Variants in COX4I1 observed in about 807,000 individuals in gnomAD.
COX4I1 encodes cytochrome c oxidase subunit 4 isoform 1, mitochondrial.
COX4I1 carries 18 observed loss-of-function variants against 21.7 expected under a neutral mutation model. The observed-to-expected ratio is 0.83, with a 90% CI of 0.57 to 1.23. The LOEUF (loss-of-function observed/expected upper bound fraction) is 1.23, where lower values mean the gene tolerates loss of function less well. COX4I1 is among the 50% of genes most tolerant of loss of function. The pLI is 0.00. For missense variants in COX4I1, 238 were observed against 220.7 expected, an observed-to-expected ratio of 1.08 and a Z score of -0.50; for synonymous variants, 100 against 81.5, an observed-to-expected ratio of 1.23 and a Z score of -1.23.
chr16:85,805,285 C>T, intron 3 of COX4I1, 181 bp downstream of exon 3: 1 of 604,444 alleles, frequency 1.7e-6, no homozygotes, highest in Admixed American at 3.4e-5. Context: ...TCACTTAGCT[C>T]TGCCAGCTGA....
At chr16:85,801,556 ATCT>A (rs1222847643) in intron 2 of COX4I1, among the ~76,000 whole-genome samples, 2 of 152,072 alleles carry the variant, frequency 1.3e-5, no homozygotes, top group African/African-American at 2.4e-5. Flanking sequence ...CTTTCAAAAG[ATCT>A]TCTGCACCAT....
chr16:85,802,465 G>A (rs1905840621), intron 2 of COX4I1, among the ~76,000 whole-genome samples: 1 of 152,334 alleles, frequency 6.6e-6, no homozygotes, highest in East Asian at 1.9e-4. Flanking sequence ...GGCAGATGAA[G>A]ACGAACTGCA....
intron 2 of COX4I1, among the ~76,000 whole-genome samples, chr16:85,801,764 A>T (rs1314137686): frequency 6.6e-6 from 1 of 152,206 alleles, no homozygotes; most frequent in Non-Finnish European, 1.5e-5. Flanking sequence ...CCTGAAGTAT[A>T]TGGACAGAGC....
intron 1 of COX4I1, among the ~76,000 whole-genome samples, chr16:85,800,216 C>G (rs1905587448): frequency 6.6e-6 from 1 of 152,268 alleles, no homozygotes; most frequent in Non-Finnish European, 1.5e-5. Flanking sequence ...AGAAGCTAGA[C>G]GCGGGCGTTC....
intron 2 of COX4I1, chr16:85,803,764 T>A (rs1469740945): frequency 6.6e-6 from 1 of 152,248 alleles, no homozygotes; most frequent in Non-Finnish European, 1.5e-5. Flanking sequence ...TGCACGTGAT[T>A]TCCAGAAAGG....
chr16:85,805,660 A>G, intron 3 of COX4I1, 73 bp from the exon 4 acceptor site: 2 of 1,593,308 alleles, frequency 1.3e-6, no homozygotes, highest in Non-Finnish European at 1.7e-6. Context: ...TTTTGGGGAG[A>G]AGTGGTTGAA....
chr16:85,804,787 T>C, intron 2 of COX4I1, 150 bp from the exon 3 acceptor site: 1 of 663,216 alleles, frequency 1.5e-6, no homozygotes, highest in Non-Finnish European at 2.5e-6. Flanking sequence ...ACCACACTCC[T>C]GCAACTGTTT....
At chr16:85,805,506 C>T (rs1252274754) in intron 3 of COX4I1, 7 of 605,152 alleles carry the variant, frequency 1.2e-5, no homozygotes, top group Middle Eastern at 3.0e-4. Context: ...TTAATTTGCA[C>T]CTGAAGCGAA....
intron 1 of COX4I1, 137 bp from the exon 2 acceptor site, chr16:85,801,068 G>A (rs1022131717): frequency 4.8e-6 from 3 of 624,136 alleles, no homozygotes; most frequent in African/African-American, 3.6e-5. Context: ...TGAATTCAGA[G>A]ACAGTGATAA....
rs773747888 is a variant in COX4I1, at chr16:85,806,718, T to C, written c.374-20T>C. ...AACCTGTTGAGATAGTCTTGCCCCA[T>C]AACCTGTCTCACACCGTAGTGTACG... On this transcript the variant is annotated intron_variant, in intron 4 of 4. Coordinates refer to ENST00000253452, the MANE Select transcript of COX4I1 (RefSeq NM_001861.6). 3 of 1,613,992 alleles carry C rather than the reference T, an allele frequency of 1.9e-6. No individual in the cohort carries two copies. Among genetic ancestry groups the C allele is most frequent in the South Asian group, 2.2e-5 (2 of 91,068 alleles).
intron 4 of COX4I1, 122 bp downstream of exon 4, chr16:85,805,986 T>A (rs1906169653): frequency 2.2e-6 from 3 of 1,369,950 alleles, no homozygotes; most frequent in Non-Finnish European, 3.0e-6. Flanking sequence ...CATTCCAGAG[T>A]TCATCTCAGG....
chr16:85,801,362 T>C (rs1255481324), intron 2 of COX4I1, 84 bp downstream of exon 2: 12 of 1,198,232 alleles, frequency 1.0e-5, no homozygotes, highest in Non-Finnish European at 1.2e-6. Flanking sequence ...TGCTGGAGTT[T>C]TAAAGACCTT....
At chr16:85,803,110 G>A (rs1905899555) in intron 2 of COX4I1, 1 of 151,248 alleles carries the variant, frequency 6.6e-6, no homozygotes, top group Non-Finnish European at 1.5e-5. Context: ...TAACTCTCAT[G>A]TGTAAGCTGA....
intron 2 of COX4I1, among the ~76,000 whole-genome samples, chr16:85,801,498 A>G (rs138142533): frequency 0.017 from 2,567 of 152,106 alleles, 38 homozygotes; most frequent in Non-Finnish European, 0.027. Flanking sequence ...ATACTTCCCC[A>G]CTTACCCTTC....
intron 3 of COX4I1, 162 bp from the exon 4 acceptor site, chr16:85,805,571 G>A: frequency 2.0e-6 from 2 of 990,466 alleles, no homozygotes; most frequent in Non-Finnish European, 3.0e-6. Context: ...GGGCACGTGT[G>A]TGCACGTACG....
chr16:85,802,071 G>T (rs1452554250), intron 2 of COX4I1, among the ~76,000 whole-genome samples: 1 of 152,070 alleles, frequency 6.6e-6, no homozygotes, highest in Non-Finnish European at 1.5e-5. Flanking sequence ...GTTAGAGCTG[G>T]TCTTGCCTGC....
chr16:85,801,417 C>T (rs934915690), intron 2 of COX4I1, 139 bp downstream of exon 2: 8 of 613,386 alleles, frequency 1.3e-5, no homozygotes, highest in Non-Finnish European at 2.0e-5. Context: ...AATGTTCTCA[C>T]AGGGCTTGGT....
intron 3 of COX4I1, 102 bp downstream of exon 3, chr16:85,805,206 T>C: frequency 2.5e-6 from 3 of 1,224,310 alleles, no homozygotes; most frequent in Non-Finnish European, 3.3e-6. Context: ...GAGGCAGTCT[T>C]GCACAGGAGG....
intron 3 of COX4I1, chr16:85,805,388 G>A (rs1490668834): frequency 3.9e-6 from 2 of 513,602 alleles, no homozygotes; most frequent in Non-Finnish European, 6.9e-6. Context: ...GTAAATTATT[G>A]AAAGAAACTC....
Sources: gnomAD v4.1 joint callset for allele counts (sites outside exome capture counted in the v4.1 genomes callset) on GRCh38, gnomAD v4.1.1 for gene constraint, MANE v1.5 for transcripts, NCBI Gene and HGNC (gene_info 2026-07-23, HGNC 2026-07-21) for gene names.